Variants in IARS2 observed in about 807,000 individuals in gnomAD.
IARS2 encodes the protein isoleucine--tRNA ligase, mitochondrial.
A neutral mutation model predicts 126.3 loss-of-function variants in IARS2; 56 were observed. The observed-to-expected ratio is 0.44, with a 90% confidence interval of 0.36 to 0.55. The LOEUF (loss-of-function observed/expected upper bound fraction) is 0.55, where lower values mean the gene tolerates loss of function less well. Ranked by LOEUF, IARS2 falls within the 20% of genes least tolerant of loss-of-function variation. The probability of loss-of-function intolerance (pLI) is 0.00; values close to 1 mark genes in which losing one functional copy is unlikely to be tolerated. For synonymous variants in IARS2, 407 were observed against 441.1 expected, an observed-to-expected ratio of 0.92 and a Z score of 0.97; for missense variants, 1,127 against 1,245.9, an observed-to-expected ratio of 0.90 and a Z score of 1.44.
intron 14 of IARS2, among the ~76,000 whole-genome samples, chr1:220,130,106 A>T (rs774477815): frequency 6.6e-6 from 1 of 152,166 alleles, no homozygotes; most frequent in Non-Finnish European, 1.5e-5. Flanking sequence ...TTCCCTGATG[A>T]TTAGTGATGT....
intron 21 of IARS2, among the ~76,000 whole-genome samples, chr1:220,144,873 A>AAAGAAAT (rs1476475748): frequency 6.6e-6 from 1 of 152,168 alleles, no homozygotes; most frequent in African/African-American, 2.4e-5. Flanking sequence ...CTTATTTCTC[A>AAAGAAAT]TGGGCTTTAA....
chr1:220,114,318 T>A lies in IARS2; in HGVS notation c.1484T>A (p.Leu495Ter). Reference sequence around the variant, plus strand: ...TGATTTATGAATTAATTGCAGGAATTGTTAAAAAAGGTGAAATTTATTCCT... The same window carrying A: ...TGATTTATGAATTAATTGCAGGAATAGTTAAAAAAGGTGAAATTTATTCCT... ...ITDIKTAAKE[L>*]LKKVKFIPGS... The change falls in exon 12 of 23, where the codon TTG (leucine) becomes TAG (stop). Residue 495 changes from leucine to a stop codon, truncating the protein, a stop_gained. Transcript: ENST00000366922. LOFTEE classifies it high-confidence loss of function. The A allele has an allele frequency of 6.2e-7, 1 of 1,612,968 alleles. No homozygotes were observed. The highest frequency in any genetic ancestry group is 8.5e-7 in the Non-Finnish European group (1 of 1,178,924).
At chr1:220,102,915 T>C in intron 7 of IARS2, 138 bp downstream of exon 7, 2 of 631,614 alleles carry the variant, frequency 3.2e-6, no homozygotes, top group Non-Finnish European at 5.5e-6. Flanking sequence ...TTCATATAGA[T>C]TTTATTAACC....
At chr1:220,099,211 CAAAAA>C in intron 2 of IARS2, among the ~76,000 whole-genome samples, 1 of 49,242 alleles carries the variant, frequency 2.0e-5, no homozygotes, top group Non-Finnish European at 4.3e-5. Flanking sequence ...GACTCCGTCT[CAAAAA>C]AAAAAAAAAA....
At chr1:220,137,836 A>G in intron 16 of IARS2, 82 bp from the exon 17 acceptor site, 1 of 1,490,310 alleles carries the variant, frequency 6.7e-7, no homozygotes, top group Non-Finnish European at 9.3e-7. Flanking sequence ...AAATATCTGA[A>G]TAGGAGCTTT....
intron 15 of IARS2, among the ~76,000 whole-genome samples, chr1:220,136,037 C>T (rs918367050): frequency 1.3e-5 from 2 of 152,112 alleles, no homozygotes; most frequent in African/African-American, 2.4e-5. Context: ...ATAGCAGAAG[C>T]TCAGAAAATA....
intron 14 of IARS2, among the ~76,000 whole-genome samples, chr1:220,133,147 A>G (rs1048821793): frequency 6.6e-6 from 1 of 151,560 alleles, no homozygotes; most frequent in South Asian, 2.1e-4. Flanking sequence ...AGTAGCTGGG[A>G]TTACAGGCGC....
At chr1:220,130,458 T>C (rs1657235310) in intron 14 of IARS2, among the ~76,000 whole-genome samples, 1 of 152,240 alleles carries the variant, frequency 6.6e-6, no homozygotes, top group African/African-American at 2.4e-5. Context: ...CTGGAGGATT[T>C]CTCCTGTGTT....
At chr1:220,101,066 C>T (rs1656560005) in intron 3 of IARS2, among the ~76,000 whole-genome samples, 1 of 152,006 alleles carries the variant, frequency 6.6e-6, no homozygotes, top group Non-Finnish European at 1.5e-5. Context: ...GGAGGATTCT[C>T]TTTTTCTTAT....
At chr1:220,102,087 A>G in intron 3 of IARS2, 42 bp from the exon 4 acceptor site, 1 of 1,549,906 alleles carries the variant, frequency 6.5e-7, no homozygotes, top group Non-Finnish European at 8.8e-7. Flanking sequence ...AAGAATTCGA[A>G]TTCATTGGTT....
chr1:220,122,030 C>G (rs1289914305), intron 12 of IARS2, among the ~76,000 whole-genome samples: 2 of 152,138 alleles, frequency 1.3e-5, no homozygotes, highest in African/African-American at 4.8e-5. Context: ...TTCAAGGCTT[C>G]AAGTGAGCTA....
chr1:220,102,002 G>A (rs1338396105), intron 3 of IARS2, 127 bp from the exon 4 acceptor site: 4 of 816,832 alleles, frequency 4.9e-6, no homozygotes, highest in Non-Finnish European at 7.8e-6. Context: ...CAGCGAGACT[G>A]TGTCTCAAAA....
intron 22 of IARS2, 22 bp downstream of exon 22, chr1:220,145,675 C>CCAGA (rs747145982): frequency 1.3e-6 from 2 of 1,593,412 alleles, no homozygotes; most frequent in Non-Finnish European, 1.7e-6. Flanking sequence ...ATGAAAGTAA[C>CCAGA]AAGTAACATC....
chr1:220,121,710 G>A (rs1657054948), intron 12 of IARS2, among the ~76,000 whole-genome samples: 2 of 152,116 alleles, frequency 1.3e-5, no homozygotes, highest in South Asian at 4.1e-4. Flanking sequence ...CTCCCAAAGT[G>A]CTAGGATTAT....
rs1558134152 is a variant in IARS2, at chr1:220,147,517, C to T, written c.2921C>T (p.Ser974Phe). 6.2e-7 allele frequency: 1 copy of T among 1,614,058 alleles called. No homozygotes were observed. The highest frequency in any genetic ancestry group is 8.5e-7 in the Non-Finnish European group (1 of 1,179,960). The change falls in exon 23 of 23, where the codon TCC becomes TTC. Residue 974 changes from serine to phenylalanine, a missense_variant. Physicochemically the swap from Ser to Phe is radical, Grantham distance 155 (BLOSUM62 -2). Transcript: ENST00000366922. ...LEGGDIREESSYKVIVMPTTK... is the reference protein window; with the variant it reads ...LEGGDIREESFYKVIVMPTTK... ...GGTGGTGATATTCGTGAAGAGTCTT[C>T]CTATAAAGTAATTGTCATGCCGACT...
intron 8 of IARS2, among the ~76,000 whole-genome samples, chr1:220,104,858 A>C (rs1240805830): frequency 2.0e-5 from 3 of 152,088 alleles, no homozygotes; most frequent in African/African-American, 7.2e-5. Context: ...ATCCTTAGGT[A>C]TGATATATCT....
intron 22 of IARS2, among the ~76,000 whole-genome samples, chr1:220,146,538 A>AAAAC (rs1392751224): frequency 1.4e-5 from 2 of 141,252 alleles, no homozygotes; most frequent in African/African-American, 2.5e-5. Flanking sequence ...AAAAAAAAAA[A>AAAAC]AGCAGGTATC....
chr1:220,100,884 T>A (rs1656556849), intron 3 of IARS2, among the ~76,000 whole-genome samples: 2 of 152,242 alleles, frequency 1.3e-5, no homozygotes, highest in South Asian at 4.1e-4. Flanking sequence ...GCATTCTCAG[T>A]TTCTTAATGT....
chr1:220,140,082 C>T, intron 18 of IARS2, 101 bp from the exon 19 acceptor site: 1 of 707,350 alleles, frequency 1.4e-6, no homozygotes, highest in South Asian at 1.5e-5. Context: ...GTATTTGTCT[C>T]ATTGAAACAT....
Sources: gnomAD v4.1 joint callset for allele counts (sites outside exome capture counted in the v4.1 genomes callset) on GRCh38, gnomAD v4.1.1 for gene constraint, MANE v1.5 for transcripts, NCBI Gene and HGNC (gene_info 2026-07-23, HGNC 2026-07-21) for gene names.